The following ZNF407 variants were observed in gnomAD, a reference collection of about 807,000 sequenced individuals.
ZNF407 encodes zinc finger protein 407.
ZNF407 carries 17 observed loss-of-function variants against 131.2 expected under a neutral mutation model. The observed-to-expected ratio is 0.13, with a 90% CI of 0.09 to 0.19. The LOEUF is 0.19. ZNF407 is among the 10% of genes least tolerant of loss of function. The probability of loss-of-function intolerance (pLI) is 1.00; values close to 1 mark genes in which losing one functional copy is unlikely to be tolerated. For synonymous variants in ZNF407, 1,156 were observed against 1,062.0 expected, an observed-to-expected ratio of 1.09 and a Z score of -1.72; for missense variants, 2,681 against 2,830.6, an observed-to-expected ratio of 0.95 and a Z score of 1.20.
chr18:74,698,648 A>G (rs1298866353), intron 3 of ZNF407, among the ~76,000 whole-genome samples: 1 of 152,200 alleles, frequency 6.6e-6, no homozygotes, highest in African/African-American at 2.4e-5. Flanking sequence ...CAGCATACAA[A>G]GAACAAAAAG....
At chr18:74,941,066 G>C (rs562093583) in intron 8 of ZNF407, among the ~76,000 whole-genome samples, 2 of 141,450 alleles carry the variant, frequency 1.4e-5, no homozygotes, top group African/African-American at 5.8e-5. Context: ...TCCCAGTGGC[G>C]GAACCGGGCC....
At chr18:74,845,746 G>T (rs1970693914) in intron 4 of ZNF407, among the ~76,000 whole-genome samples, 2 of 152,202 alleles carry the variant, frequency 1.3e-5, no homozygotes, top group South Asian at 2.1e-4. Context: ...CTTCCAGAAG[G>T]TGTTATCTTG....
chr18:74,893,834 T>C (rs1971419346), intron 7 of ZNF407, among the ~76,000 whole-genome samples: 1 of 152,150 alleles, frequency 6.6e-6, no homozygotes, highest in African/African-American at 2.4e-5. Flanking sequence ...ACTTCTAGTT[T>C]TATGTTTTTA....
chr18:74,688,192 G>A (rs925685626), intron 3 of ZNF407, among the ~76,000 whole-genome samples: 2 of 152,076 alleles, frequency 1.3e-5, no homozygotes, highest in African/African-American at 4.8e-5. Flanking sequence ...TTCCTTAAAG[G>A]GTGATTGCCT....
rs369175320 is a variant in ZNF407, at chr18:74,794,413, AT to A, written c.4877+12924del. On this transcript the variant is annotated intron_variant, in intron 4 of 8. Coordinates refer to ENST00000299687, the MANE Select transcript of ZNF407 (RefSeq NM_017757.3). ...ACTGAAGTTCTAAAAGGGTCACATA[AT>A]TTTTTTTTTTTTCAGAAATACTACT... 1.1e-3 allele frequency among the ~76,000 whole-genome samples: 161 copies of A among 146,882 alleles called. 1 individual carries two copies. The East Asian group carries it at 0.012, about 11-fold the overall frequency.
At chr18:74,771,999 CT>C (rs1375094558) in intron 3 of ZNF407, among the ~76,000 whole-genome samples, 1 of 152,122 alleles carries the variant, frequency 6.6e-6, no homozygotes, top group Non-Finnish European at 1.5e-5. Flanking sequence ...ATTTTTCTTA[CT>C]TTCTATGAGG....
chr18:74,929,360 G>C (rs749107604), intron 8 of ZNF407, among the ~76,000 whole-genome samples: 55 of 151,800 alleles, frequency 3.6e-4, no homozygotes, highest in Non-Finnish European at 6.3e-4. Flanking sequence ...TGCAGCCTTC[G>C]TGAACTGGAT....
chr18:74,968,162 G>A (rs1214466090), intron 8 of ZNF407, among the ~76,000 whole-genome samples: 1 of 152,116 alleles, frequency 6.6e-6, no homozygotes, highest in African/African-American at 2.4e-5. Flanking sequence ...ATGTCTCTTT[G>A]TATAGTTTCC....
Position 74,625,459 on chromosome 18 carries a change from A to G in ZNF407, c.-53-5508A>G, listed in dbSNP as rs139810243. Among the ~76,000 whole-genome samples, 8 of 152,302 alleles carry G rather than the reference A, an allele frequency of 5.3e-5. No homozygotes were observed. The East Asian group carries it at 1.2e-3, about 22-fold the overall frequency. On this transcript the variant is annotated intron_variant, in intron 1 of 8. Coordinates refer to ENST00000299687, the MANE Select transcript of ZNF407 (RefSeq NM_017757.3). ...GGAACTCCTGCTGGTGCCTAGTGAA[A>G]GGGACAGTCGTGCACTGCAGCAGTG...
intron 4 of ZNF407, among the ~76,000 whole-genome samples, chr18:74,834,032 G>A (rs1179625552): frequency 6.6e-6 from 1 of 152,204 alleles, no homozygotes; most frequent in Non-Finnish European, 1.5e-5. Context: ...TCTGAAAATA[G>A]TCTAACTTTG....
At chr18:74,655,644 C>T (rs1371615559) in intron 3 of ZNF407, among the ~76,000 whole-genome samples, 1 of 152,098 alleles carries the variant, frequency 6.6e-6, no homozygotes, top group African/African-American at 2.4e-5. Context: ...ACATTTTCCC[C>T]TCTCCTCAGA....
At chr18:74,718,812 C>T (rs1281190233) in intron 3 of ZNF407, among the ~76,000 whole-genome samples, 1 of 152,198 alleles carries the variant, frequency 6.6e-6, no homozygotes, top group Non-Finnish European at 1.5e-5. Flanking sequence ...GAATTTTCTT[C>T]GTTAAGTAAT....
At position 74,623,055 on chromosome 18, in the gene ZNF407, T is replaced by C. The variant is rs542512947; in HGVS notation, c.-53-7912T>C. 4.4e-4 allele frequency among the ~76,000 whole-genome samples: 67 copies of C among 151,836 alleles called. No individual in the cohort carries two copies. In the South Asian group the frequency reaches 0.011, roughly 25 times the overall value. On this transcript the variant is annotated intron_variant, in intron 1 of 8. Coordinates refer to ENST00000299687, the MANE Select transcript of ZNF407 (RefSeq NM_017757.3). ...GTGCATGTGTGTGTGAATGAGTGCA[T>C]GTGAGTGAAGATATGTGTGTATCTG...
intron 3 of ZNF407, among the ~76,000 whole-genome samples, chr18:74,766,625 G>A (rs527853400): frequency 1.1e-4 from 17 of 152,240 alleles, no homozygotes; most frequent in Middle Eastern, 3.4e-3. Context: ...TTTGTAAGGC[G>A]TATTTAATCT....
intron 3 of ZNF407, among the ~76,000 whole-genome samples, chr18:74,729,534 T>G (rs575381927): frequency 2.5e-4 from 38 of 152,220 alleles, no homozygotes; most frequent in African/African-American, 8.2e-4. Context: ...GTTCGTTGGT[T>G]CCCTCATTCG....
At chr18:74,669,584 G>A (rs192898074) in intron 3 of ZNF407, among the ~76,000 whole-genome samples, 2 of 152,302 alleles carry the variant, frequency 1.3e-5, no homozygotes, top group African/African-American at 4.8e-5. Context: ...TAACTACTTG[G>A]AAGTTAGTTA....
intron 6 of ZNF407, among the ~76,000 whole-genome samples, chr18:74,882,526 T>G (rs1279365142): frequency 6.6e-6 from 1 of 152,232 alleles, no homozygotes; most frequent in African/African-American, 2.4e-5. Flanking sequence ...GTGCCCAATA[T>G]GGCATTTGCA....
At position 74,663,496 on chromosome 18, in the gene ZNF407, A is replaced by G. The variant is rs967074164; in HGVS notation, c.4802+22374A>G. On this transcript the variant is annotated intron_variant, in intron 3 of 8. Coordinates refer to ENST00000299687, the MANE Select transcript of ZNF407 (RefSeq NM_017757.3). ...AAGGAAAGAGTAAATGTAAGGTCCT[A>G]TATTTCAACTCAGAACATCAATTAA... is the stretch of plus-strand genomic sequence containing the variant. Among the ~76,000 whole-genome samples the G allele has an allele frequency of 3.3e-5, 5 of 152,178 alleles. No individual in the cohort carries two copies. In the East Asian group the frequency reaches 9.6e-4, roughly 29 times the overall value.
intron 8 of ZNF407, among the ~76,000 whole-genome samples, chr18:74,962,449 C>T (rs1972356979): frequency 6.6e-6 from 1 of 152,152 alleles, no homozygotes; most frequent in African/African-American, 2.4e-5. Flanking sequence ...GACCCAGGGG[C>T]TAGAGCAGGA....
Sources: gnomAD v4.1 joint callset for allele counts (sites outside exome capture counted in the v4.1 genomes callset) on GRCh38, gnomAD v4.1.1 for gene constraint, MANE v1.5 for transcripts, NCBI Gene and HGNC (gene_info 2026-07-23, HGNC 2026-07-21) for gene names.